TRIM24: variants seen among roughly 807,000 people sequenced by gnomAD.
TRIM24 encodes transcription intermediary factor 1-alpha.
Under a neutral mutation model 123.9 loss-of-function variants are expected in TRIM24, and 29 were observed. The observed-to-expected ratio is 0.23, with a 90% CI of 0.17 to 0.32. The LOEUF is 0.32. Ranked by LOEUF, TRIM24 falls within the 10% of genes least tolerant of loss-of-function variation. The pLI is 1.00. For synonymous variants in TRIM24, 456 were observed against 461.1 expected (o/e 0.99, Z 0.14); for missense variants, 932 against 1,295.3 (o/e 0.72, Z 4.31).
In TRIM24 at chr7:138,579,638, T is replaced by A. The variant is rs927933689; in HGVS notation, c.2585+106T>A. On this transcript the variant is annotated intron_variant, in intron 15 of 18. Coordinates refer to ENST00000343526, the MANE Select transcript of TRIM24 (RefSeq NM_015905.3). Reference sequence around the variant, plus strand: ...TAAATGAAATTCCACTTGGCACAAGTGTATACTCCAAAATCCCAATGAATA... The same window carrying A: ...TAAATGAAATTCCACTTGGCACAAGAGTATACTCCAAAATCCCAATGAATA... The A allele has an allele frequency of 2.0e-5, 18 of 885,246 alleles. No homozygotes were observed. In the African/African-American group the frequency reaches 2.5e-4, roughly 12 times the overall value. 54.8% of individuals were successfully genotyped at this position (885,246 alleles called of 1,614,324 possible).
At chr7:138,506,890 G>T (rs113642241) in intron 2 of TRIM24, among the ~76,000 whole-genome samples, 2 of 152,122 alleles carry the variant, frequency 1.3e-5, no homozygotes, top group African/African-American at 4.8e-5. Context: ...CTTAGCAAGA[G>T]GTAGTGGGAG....
chr7:138,550,935 G>A, intron 7 of TRIM24, 128 bp from the exon 8 acceptor site: 1 of 678,766 alleles, frequency 1.5e-6, no homozygotes, highest in Non-Finnish European at 2.4e-6. Flanking sequence ...TGTGTTGTAT[G>A]TCCAACAAAC....
At chr7:138,539,307 G>A (rs138126550) in intron 7 of TRIM24, among the ~76,000 whole-genome samples, 535 of 152,186 alleles carry the variant, frequency 3.5e-3, no homozygotes, top group African/African-American at 0.012. Flanking sequence ...TCTTGGTGCT[G>A]CACGGCAATC....
At chr7:138,524,389 TAA>T (rs1212336394) in intron 4 of TRIM24, among the ~76,000 whole-genome samples, 2 of 151,832 alleles carry the variant, frequency 1.3e-5, no homozygotes, top group Admixed American at 6.6e-5. Context: ...TTTACTAAGG[TAA>T]AAAAAACTTG....
At chr7:138,505,045 G>T (rs1394753200) in intron 2 of TRIM24, among the ~76,000 whole-genome samples, 11 of 152,196 alleles carry the variant, frequency 7.2e-5, no homozygotes, top group Admixed American at 2.0e-4. Flanking sequence ...ATAGGCGTGA[G>T]CCACCGTGCC....
intron 1 of TRIM24, chr7:138,461,174 G>A: frequency 1.4e-6 from 1 of 701,688 alleles, no homozygotes; most frequent in Admixed American, 1.8e-5. Flanking sequence ...CTCAACAGCC[G>A]GGCGGCCCCT....
chr7:138,477,905 A>G (rs996464855), intron 1 of TRIM24, among the ~76,000 whole-genome samples: 1 of 152,200 alleles, frequency 6.6e-6, no homozygotes, highest in Non-Finnish European at 1.5e-5. Flanking sequence ...GATATATTTG[A>G]ACATATTGAA....
intron 1 of TRIM24, 51 bp downstream of exon 1, chr7:138,460,963 G>A: frequency 7.4e-7 from 1 of 1,356,242 alleles, no homozygotes; most frequent in Non-Finnish European, 9.4e-7. Context: ...GCCAGGAGGG[G>A]GCGGGCGCCC....
intron 2 of TRIM24, among the ~76,000 whole-genome samples, chr7:138,510,244 T>C (rs560087062): frequency 1.6e-4 from 25 of 152,352 alleles, no homozygotes; most frequent in Non-Finnish European, 3.1e-4. Flanking sequence ...AACCAGCTTG[T>C]AAAGCATAAA....
chr7:138,507,748 G>A (rs1027689318), intron 2 of TRIM24, among the ~76,000 whole-genome samples: 26 of 152,080 alleles, frequency 1.7e-4, no homozygotes, highest in Middle Eastern at 3.4e-3. Flanking sequence ...CTGTCTGAGC[G>A]AATAAATGAA....
intron 2 of TRIM24, among the ~76,000 whole-genome samples, chr7:138,511,816 A>G (rs1752055599): frequency 6.6e-6 from 1 of 152,056 alleles, no homozygotes; most frequent in South Asian, 2.1e-4. Context: ...TCAAAACACA[A>G]TCATGCCTCC....
At chr7:138,476,093 A>C (rs1000455652) in intron 1 of TRIM24, among the ~76,000 whole-genome samples, 7 of 152,224 alleles carry the variant, frequency 4.6e-5, no homozygotes, top group African/African-American at 1.7e-4. Flanking sequence ...AGTTAGGAGC[A>C]TATTAATAAT....
chr7:138,575,020 G>A (rs1270225265), intron 12 of TRIM24, among the ~76,000 whole-genome samples: 9 of 152,128 alleles, frequency 5.9e-5, no homozygotes, highest in South Asian at 2.1e-4. Flanking sequence ...AAATTAGAAT[G>A]TGCTCACTTG....
intron 6 of TRIM24, among the ~76,000 whole-genome samples, chr7:138,535,501 C>G (rs528876130): frequency 1.3e-5 from 2 of 152,220 alleles, no homozygotes; most frequent in East Asian, 3.9e-4. Context: ...ATATGAAATT[C>G]TGGGTTGAAA....
At chr7:138,480,965 C>CT (rs1054965746) in intron 1 of TRIM24, among the ~76,000 whole-genome samples, 10 of 150,568 alleles carry the variant, frequency 6.6e-5, no homozygotes, top group South Asian at 2.1e-4. Flanking sequence ...GTTATTTAAA[C>CT]TTTTTTTTTC....
At chr7:138,505,062 C>T (rs1476441898) in intron 2 of TRIM24, among the ~76,000 whole-genome samples, 1 of 152,154 alleles carries the variant, frequency 6.6e-6, no homozygotes, top group Non-Finnish European at 1.5e-5. Context: ...TGCCTGGCCT[C>T]TTTTTGCCAA....
intron 9 of TRIM24, among the ~76,000 whole-genome samples, chr7:138,560,389 T>C (rs1318745744): frequency 6.6e-6 from 1 of 152,240 alleles, no homozygotes; most frequent in Non-Finnish European, 1.5e-5. Context: ...TTCTCTGTTC[T>C]GGTGGAGAAA....
At chr7:138,573,715 CT>C (rs1797701662) in intron 12 of TRIM24, 73 bp downstream of exon 12, 9 of 1,491,472 alleles carry the variant, frequency 6.0e-6, no homozygotes, top group Non-Finnish European at 7.2e-6. Flanking sequence ...AAAATTACCC[CT>C]CTTCTCCTTT....
chr7:138,572,292 AG>A (rs1183090575), intron 11 of TRIM24, among the ~76,000 whole-genome samples: 1 of 152,222 alleles, frequency 6.6e-6, no homozygotes, highest in African/African-American at 2.4e-5. Context: ...TATCCCACAA[AG>A]TAAACAACTT....
Sources: allele counts gnomAD v4.1 joint callset (sites outside exome capture counted in the v4.1 genomes callset), GRCh38; gene constraint gnomAD v4.1.1; transcripts MANE v1.5; gene names NCBI Gene and HGNC (gene_info 2026-07-23, HGNC 2026-07-21).